The following HSF5 variants were observed in gnomAD, a reference collection of about 807,000 sequenced individuals.
HSF5 encodes the protein heat shock factor protein 5.
HSF5 carries 5 observed loss-of-function variants against 50.8 expected under a neutral mutation model. The observed-to-expected ratio is 0.10, with a 90% CI of 0.05 to 0.21. HSF5 has a LOEUF of 0.21. Ranked by LOEUF, HSF5 falls within the 10% of genes least tolerant of loss-of-function variation. The pLI is 1.00. For synonymous variants in HSF5, 307 were observed against 307.4 expected (o/e 1.00, Z 0.02); for missense variants, 564 against 762.6 (o/e 0.74, Z 3.07).
In HSF5 at chr17:58,485,345, C is replaced by G. The variant is rs367805836; in HGVS notation, c.550+2380G>C. Reference sequence around the variant, plus strand: ...GGTGAAGAATGAATGAATGATTACACCCTGTTGGTTTCTTGGTATACTGCT... The same window carrying G: ...GGTGAAGAATGAATGAATGATTACAGCCTGTTGGTTTCTTGGTATACTGCT... On this transcript the variant is annotated intron_variant, in intron 1 of 5. Coordinates refer to ENST00000323777, the MANE Select transcript of HSF5 (RefSeq NM_001080439.3). 3.9e-4 allele frequency among the ~76,000 whole-genome samples: 59 copies of G among 152,250 alleles called. 1 individual carries two copies. In the South Asian group the frequency reaches 6.2e-3, roughly 16 times the overall value.
intron 5 of HSF5, among the ~76,000 whole-genome samples, chr17:58,451,948 TA>T (rs61125428): frequency 1.1e-4 from 15 of 131,776 alleles, no homozygotes; most frequent in Admixed American, 1.5e-4. Flanking sequence ...AGTTAGACTT[TA>T]AAAAAAAAAA....
chr17:58,423,213 T>C (rs1974248855), intron 5 of HSF5, among the ~76,000 whole-genome samples: 1 of 152,218 alleles, frequency 6.6e-6, no homozygotes, highest in African/African-American at 2.4e-5. Context: ...TTCCCACTTA[T>C]TGACTAACAC....
chr17:58,479,957 G>A lies in HSF5; in HGVS notation c.861C>T (p.Ser287=). 6.2e-7 allele frequency: 1 copy of A among 1,614,094 alleles called. No individual in the cohort carries two copies. The highest frequency in any genetic ancestry group is 2.2e-5 in the East Asian group (1 of 44,892). Residue 287 remains serine, a synonymous_variant, in exon 2 of 6, where the codon AGC becomes AGT. Coordinates refer to ENST00000323777, the MANE Select transcript of HSF5 (RefSeq NM_001080439.3). ...HVQQGPQTMV[S]SSQKYSNYTP... ...TGTAGTTACTGTATTTTTGGGAGGA[G>A]CTGACCATTGTTTGAGGACCTTGTT... is the stretch of plus-strand genomic sequence containing the variant.
chr17:58,439,730 C>T (rs550731394), intron 5 of HSF5, among the ~76,000 whole-genome samples: 9 of 152,210 alleles, frequency 5.9e-5, no homozygotes, highest in Non-Finnish European at 8.8e-5. Context: ...GTGATCCGCC[C>T]GCCTTGGCCT....
chr17:58,476,419 G>T, intron 2 of HSF5: 1 of 1,040,562 alleles, frequency 9.6e-7, no homozygotes, highest in Non-Finnish European at 1.5e-6. Context: ...CTTCCTGCCG[G>T]CTTTATTCTG....
chr17:58,458,069 C>G (rs1025209120), intron 5 of HSF5, among the ~76,000 whole-genome samples: 1 of 152,132 alleles, frequency 6.6e-6, no homozygotes, highest in Non-Finnish European at 1.5e-5. Context: ...GTCATTCTGC[C>G]TGCACTGCAT....
chr17:58,483,306 G>A (rs1975125768), intron 1 of HSF5, among the ~76,000 whole-genome samples: 1 of 152,132 alleles, frequency 6.6e-6, no homozygotes, highest in South Asian at 2.1e-4. Context: ...TTTAGATGCA[G>A]TTAAAATTAG....
chr17:58,422,290 T>C lies in HSF5; in HGVS notation c.*70A>G. On this transcript the variant is annotated 3_prime_UTR_variant, in exon 6 of 6. Coordinates refer to ENST00000323777, the MANE Select transcript of HSF5 (RefSeq NM_001080439.3). ...AACAGAACTGAAAAAATCCCAACAG[T>C]TTGTCATGTGCAAGGCTAGTCTGCC... 3 of 1,096,984 alleles carry C rather than the reference T, an allele frequency of 2.7e-6. No homozygotes were observed. Among genetic ancestry groups the C allele is most frequent in the Middle Eastern group, 2.0e-4 (1 of 4,892 alleles). The allele number at this position is 1,096,984 out of a possible 1,614,324, so 68.0% of individuals were successfully genotyped here. A position where few individuals can be genotyped will look rare whatever the true frequency, so the allele number is the denominator to read the frequency against.
At chr17:58,475,848 C>T (rs1975004708) in intron 2 of HSF5, among the ~76,000 whole-genome samples, 1 of 152,030 alleles carries the variant, frequency 6.6e-6, no homozygotes, top group Admixed American at 6.6e-5. Context: ...CCACAGAGCT[C>T]GTAGTGTTGA....
At chr17:58,476,613 C>G in intron 2 of HSF5, 1 of 1,539,610 alleles carries the variant, frequency 6.5e-7, no homozygotes, top group Non-Finnish European at 9.0e-7. Flanking sequence ...CGAATTCTGT[C>G]ACTTCAACTC....
intron 2 of HSF5, among the ~76,000 whole-genome samples, chr17:58,470,818 C>T (rs1015498874): frequency 6.6e-5 from 10 of 151,870 alleles, no homozygotes; most frequent in South Asian, 2.1e-4. Flanking sequence ...CCCAGCTACT[C>T]GGAAGGCTGA....
At chr17:58,452,187 T>C (rs1249282160) in intron 5 of HSF5, among the ~76,000 whole-genome samples, 1 of 151,410 alleles carries the variant, frequency 6.6e-6, no homozygotes, top group Non-Finnish European at 1.5e-5. Flanking sequence ...GAGTTCAAGG[T>C]TGCAGTGAGC....
chr17:58,452,948 T>C (rs1156851997), intron 5 of HSF5, among the ~76,000 whole-genome samples: 2 of 152,136 alleles, frequency 1.3e-5, no homozygotes, highest in Non-Finnish European at 2.9e-5. Context: ...CATCAGAGGA[T>C]TACTTGAGCC....
chr17:58,473,607 C>T (rs549432605), intron 2 of HSF5, among the ~76,000 whole-genome samples: 1 of 152,002 alleles, frequency 6.6e-6, no homozygotes, highest in Admixed American at 6.5e-5. Context: ...CAAAATCTTG[C>T]CTTTGAAGAA....
At chr17:58,461,469 C>T (rs140429403) in intron 4 of HSF5, among the ~76,000 whole-genome samples, 237 of 151,794 alleles carry the variant, frequency 1.6e-3, no homozygotes, top group African/African-American at 5.5e-3. Context: ...AGTTTCAGTC[C>T]TATTGAAGAA....
At chr17:58,449,399 T>C (rs1974603754) in intron 5 of HSF5, among the ~76,000 whole-genome samples, 1 of 152,220 alleles carries the variant, frequency 6.6e-6, no homozygotes, top group Non-Finnish European at 1.5e-5. Context: ...ACTTCACCTA[T>C]AAAGATACGC....
chr17:58,474,799 C>T (rs1304699072), intron 2 of HSF5, among the ~76,000 whole-genome samples: 3 of 152,112 alleles, frequency 2.0e-5, no homozygotes, highest in Non-Finnish European at 4.4e-5. Context: ...TTACTGCAGC[C>T]TCAAACTCCT....
At chr17:58,445,397 T>C (rs550331248) in intron 5 of HSF5, among the ~76,000 whole-genome samples, 6 of 152,232 alleles carry the variant, frequency 3.9e-5, no homozygotes, top group South Asian at 2.1e-4. Context: ...CTGAGCAACA[T>C]TGTGAGGCCT....
intron 5 of HSF5, among the ~76,000 whole-genome samples, chr17:58,425,646 A>C (rs982643440): frequency 4.5e-4 from 68 of 152,092 alleles, no homozygotes; most frequent in African/African-American, 1.5e-3. Flanking sequence ...TTTTACCATA[A>C]AATGGCTTCT....
Sources: gnomAD v4.1 joint callset for allele counts (sites outside exome capture counted in the v4.1 genomes callset) on GRCh38, gnomAD v4.1.1 for gene constraint, MANE v1.5 for transcripts, NCBI Gene and HGNC (gene_info 2026-07-23, HGNC 2026-07-21) for gene names.